The following SGCD variants were observed in gnomAD, a reference collection of about 807,000 sequenced individuals.
The protein encoded by SGCD is delta-sarcoglycan.
SGCD carries 18 observed loss-of-function variants against 36.6 expected under a neutral mutation model. That is an observed-to-expected ratio of 0.49 (90% confidence interval 0.34 to 0.73). The LOEUF (loss-of-function observed/expected upper bound fraction) is 0.73, where lower values mean the gene tolerates loss of function less well. Among genes scored for constraint, SGCD ranks in the 30% least tolerant of loss-of-function variants. The probability of loss-of-function intolerance (pLI) is 0.01; values close to 1 mark genes in which losing one functional copy is unlikely to be tolerated. For missense variants in SGCD, 387 were observed against 346.7 expected, an observed-to-expected ratio of 1.12 and a Z score of -0.92; for synonymous variants, 133 against 130.6, an observed-to-expected ratio of 1.02 and a Z score of -0.12.
chr5:155,744,560 GA>G, the SGCD span, among the ~76,000 whole-genome samples: 1 of 152,192 alleles, frequency 6.6e-6, no homozygotes, highest in Non-Finnish European at 1.5e-5. Flanking sequence ...AAATGATTAG[GA>G]AGATTTTACA....
At chr5:156,351,838 A>G (rs992500129) in intron 3 of SGCD, among the ~76,000 whole-genome samples, 2 of 152,040 alleles carry the variant, frequency 1.3e-5, no homozygotes, top group Non-Finnish European at 2.9e-5. Flanking sequence ...CAGTCTGACT[A>G]TGGATCCTGG....
chr5:156,076,324 C>T (rs1027489536), intron 1 of SGCD, among the ~76,000 whole-genome samples: 1 of 151,696 alleles, frequency 6.6e-6, no homozygotes, highest in Non-Finnish European at 1.5e-5. Context: ...GTTTTTGTTT[C>T]ACTTTCTAAG....
Position 155,999,329 on chromosome 5 carries a change from C to A in SGCD, c.-281-118549C>A, listed in dbSNP as rs80289921. Among the ~76,000 whole-genome samples, 29 of 152,286 alleles carry A rather than the reference C, an allele frequency of 1.9e-4. No homozygotes were observed. The East Asian group carries it at 5.6e-3, about 29-fold the overall frequency. ...TGTTTCCCCCACTAAACAAGAAATG[C>A]CACACGGATGGGTTTGGTGTCCACT... On this transcript the variant is annotated intron_variant, in intron 1 of 9. Transcript: ENST00000517913.
chr5:156,423,226 ATTGTATT>A (rs1561685346), intron 3 of SGCD, among the ~76,000 whole-genome samples: 1 of 7,498 alleles, frequency 1.3e-4, no homozygotes, highest in Non-Finnish European at 3.5e-4. Flanking sequence ...AATATAATAT[ATTGTATT>A]ATATTATATT....
At chr5:156,070,599 G>T (rs1340882881) in intron 1 of SGCD, among the ~76,000 whole-genome samples, 2 of 151,734 alleles carry the variant, frequency 1.3e-5, no homozygotes, top group East Asian at 3.9e-4. Context: ...TCTCTTTTTT[G>T]GTTGTGTCTC....
chr5:155,876,007 A>C (rs1045460790), intron 1 of SGCD, among the ~76,000 whole-genome samples: 4 of 149,908 alleles, frequency 2.7e-5, no homozygotes, highest in African/African-American at 9.8e-5. Flanking sequence ...TAATTTTCAA[A>C]GTTGTTTTTT....
At chr5:155,887,606 A>G (rs1229557616) in intron 1 of SGCD, among the ~76,000 whole-genome samples, 2 of 152,152 alleles carry the variant, frequency 1.3e-5, no homozygotes, top group Admixed American at 6.5e-5. Flanking sequence ...TAAACTGTGG[A>G]TAATAATAAC....
At chr5:156,111,865 G>A (rs746286711) in intron 1 of SGCD, among the ~76,000 whole-genome samples, 6 of 151,136 alleles carry the variant, frequency 4.0e-5, no homozygotes, top group Non-Finnish European at 7.4e-5. Context: ...TGCAACCTCC[G>A]CCTCCTAGGT....
At chr5:156,598,785 G>A (rs991508585) in intron 6 of SGCD, among the ~76,000 whole-genome samples, 24 of 152,128 alleles carry the variant, frequency 1.6e-4, no homozygotes, top group African/African-American at 5.8e-4. Flanking sequence ...CTCTGTGATG[G>A]TATCACTTCA....
the SGCD span, among the ~76,000 whole-genome samples, chr5:155,812,067 TG>T: frequency 2.6e-5 from 4 of 152,180 alleles, no homozygotes; most frequent in Non-Finnish European, 5.9e-5. Context: ...CAACAAAAGC[TG>T]GTTACAAACA....
intron 1 of SGCD, among the ~76,000 whole-genome samples, chr5:155,901,302 A>C (rs965721828): frequency 6.7e-6 from 1 of 148,224 alleles, no homozygotes; most frequent in Non-Finnish European, 1.5e-5. Context: ...ACAAGAGCGA[A>C]ACTCCATCTC....
chr5:156,139,035 T>C (rs1762518919), intron 3 of SGCD, among the ~76,000 whole-genome samples: 1 of 152,224 alleles, frequency 6.6e-6, no homozygotes, highest in Non-Finnish European at 1.5e-5. Context: ...GTTTACCTTT[T>C]TATTATTGGG....
intron 1 of SGCD, among the ~76,000 whole-genome samples, chr5:156,017,977 T>C (rs1422608947): frequency 6.6e-6 from 1 of 151,986 alleles, no homozygotes. Context: ...CTGGGCACCG[T>C]AGGGAGACTC....
intron 6 of SGCD, among the ~76,000 whole-genome samples, chr5:156,614,350 C>A (rs746140377): frequency 2.0e-5 from 3 of 152,178 alleles, no homozygotes; most frequent in Admixed American, 1.3e-4. Flanking sequence ...GATCTAAATC[C>A]AGGCAGTCTT....
At chr5:156,142,378 G>T (rs1248432721) in intron 3 of SGCD, among the ~76,000 whole-genome samples, 1 of 152,208 alleles carries the variant, frequency 6.6e-6, no homozygotes, top group Non-Finnish European at 1.5e-5. Flanking sequence ...GTATCAAGAA[G>T]TGGGGCATTG....
intron 3 of SGCD, among the ~76,000 whole-genome samples, chr5:156,319,262 A>C (rs1039021064): frequency 1.3e-5 from 2 of 152,156 alleles, no homozygotes; most frequent in Admixed American, 6.5e-5. Flanking sequence ...CTTGGGGAAA[A>C]TCCCTTACCA....
chr5:156,747,088 C>T (rs1418537412), intron 7 of SGCD, among the ~76,000 whole-genome samples: 1 of 147,528 alleles, frequency 6.8e-6, no homozygotes, highest in Non-Finnish European at 1.5e-5. Context: ...ATTTGAACAC[C>T]CAGTAAAACA....
At chr5:156,120,243 A>G (rs777587966) in intron 2 of SGCD, among the ~76,000 whole-genome samples, 9 of 152,128 alleles carry the variant, frequency 5.9e-5, no homozygotes, top group Non-Finnish European at 2.9e-5. Flanking sequence ...TAAAGCAGAA[A>G]GAGGTGTGTA....
intron 7 of SGCD, among the ~76,000 whole-genome samples, chr5:156,735,373 C>T (rs941105608): frequency 1.3e-5 from 2 of 152,170 alleles, no homozygotes; most frequent in Admixed American, 6.5e-5. Flanking sequence ...TGGCAGCCTG[C>T]CCCCCACTGC....
Sources: gnomAD v4.1 joint callset for allele counts (sites outside exome capture counted in the v4.1 genomes callset) on GRCh38, gnomAD v4.1.1 for gene constraint, MANE v1.5 for transcripts, NCBI Gene and HGNC (gene_info 2026-07-23, HGNC 2026-07-21) for gene names.